The following ZNF385D variants were observed in gnomAD, a reference collection of about 807,000 sequenced individuals.
ZNF385D encodes zinc finger protein 659.
In ZNF385D, 15 loss-of-function variants were observed where a neutral mutation model predicts 35.8. The observed-to-expected ratio is 0.42, with a 90% CI of 0.28 to 0.64. The LOEUF is 0.64. Ranked by LOEUF, ZNF385D falls within the 30% of genes least tolerant of loss-of-function variation. The pLI is 0.23. For missense variants in ZNF385D, 474 were observed against 494.6 expected (o/e 0.96, Z 0.39); for synonymous variants, 212 against 186.8 (o/e 1.13, Z -1.10).
rs574926127 is a variant in ZNF385D at position 21,824,297 on chromosome 3, C to CT, written c.326-159270dup. Among the ~76,000 whole-genome samples, 834 of 152,224 alleles carry CT rather than the reference C, an allele frequency of 5.5e-3. 13 individuals are homozygous for CT. The highest frequency in any genetic ancestry group is 0.019 in the African/African-American group (789 of 41,554). On this transcript the variant is annotated intron_variant, in intron 3 of 5. Transcript: ENST00000494108. Reference sequence around the variant, plus strand: ...TGTTTGATAATTCTTTTTTAAAAGGCTATGTAGTAATGGTGCTTTTTATAA... The same window carrying CT: ...TGTTTGATAATTCTTTTTTAAAAGGCTTATGTAGTAATGGTGCTTTTTATAA...
rs181158345 is a variant in ZNF385D at position 21,440,225 on chromosome 3, T to A, written c.440-3022A>T. 9.9e-5 allele frequency among the ~76,000 whole-genome samples: 15 copies of A among 152,234 alleles called. No homozygotes were observed. In the East Asian group the frequency reaches 2.7e-3, roughly 27 times the overall value. On this transcript the variant is annotated intron_variant, in intron 4 of 7. Transcript: ENST00000281523. ...ATATGGTACATTAAATTACCAGTTA[T>A]AAATAATTATTGTCCACACATTAAA...
chr3:21,500,759 G>A (rs1410137925), intron 4 of ZNF385D, among the ~76,000 whole-genome samples: 1 of 152,206 alleles, frequency 6.6e-6, no homozygotes, highest in East Asian at 1.9e-4. Flanking sequence ...TTCTGATGCT[G>A]TGGTAGGAGT....
chr3:22,079,447 G>T (rs1383082), intron 3 of ZNF385D, among the ~76,000 whole-genome samples: 118,088 of 151,830 alleles, frequency 0.78, 46,780 homozygotes, highest in Non-Finnish European at 0.84. Context: ...ATTCTAAATG[G>T]AGGGGTTCAA....
chr3:21,438,072 A>C (rs1701661806), intron 4 of ZNF385D, among the ~76,000 whole-genome samples: 1 of 152,176 alleles, frequency 6.6e-6, no homozygotes, highest in Admixed American at 6.6e-5. Flanking sequence ...TGGAGAGATC[A>C]ATCTCCAAAG....
intron 2 of ZNF385D, among the ~76,000 whole-genome samples, chr3:21,577,424 G>A (rs1450195432): frequency 1.3e-5 from 2 of 152,132 alleles, no homozygotes; most frequent in Admixed American, 6.6e-5. Flanking sequence ...GGACACCCAA[G>A]TTAATTCCGT....
chr3:22,065,673 A>C (rs1699908690), intron 3 of ZNF385D, among the ~76,000 whole-genome samples: 1 of 152,094 alleles, frequency 6.6e-6, no homozygotes, highest in Admixed American at 6.6e-5. Context: ...ACAGGACCAT[A>C]ATCTAAAAGT....
At chr3:21,976,423 T>C (rs1019517629) in intron 3 of ZNF385D, among the ~76,000 whole-genome samples, 8 of 152,154 alleles carry the variant, frequency 5.3e-5, no homozygotes, top group African/African-American at 9.7e-5. Context: ...ATGGAGAATT[T>C]TGAATTGAAA....
chr3:22,258,662 C>T (rs1700443660), intron 2 of ZNF385D, among the ~76,000 whole-genome samples: 1 of 151,498 alleles, frequency 6.6e-6, no homozygotes. Context: ...GTAAAAATAG[C>T]CCAAGAGATT....
intron 2 of ZNF385D, among the ~76,000 whole-genome samples, chr3:22,306,018 G>A (rs1703190861): frequency 3.3e-5 from 5 of 152,246 alleles, no homozygotes; most frequent in Admixed American, 2.6e-4. Context: ...TCTCCTTGGA[G>A]GGCAAATGCT....
At chr3:22,272,416 C>T (rs1701224079) in intron 2 of ZNF385D, among the ~76,000 whole-genome samples, 2 of 151,868 alleles carry the variant, frequency 1.3e-5, no homozygotes, top group Non-Finnish European at 2.9e-5. Context: ...CCATCTAGGA[C>T]ATTACCCATA....
At chr3:21,754,149 A>C (rs2070233464), upstream of ZNF385D, among the ~76,000 whole-genome samples, 1 of 152,204 alleles carries the variant, frequency 6.6e-6, no homozygotes, top group African/African-American at 2.4e-5. Context: ...TAGTACACAC[A>C]TTTCTTCAAC....
intron 2 of ZNF385D, among the ~76,000 whole-genome samples, chr3:22,292,992 A>G (rs1190327755): frequency 6.6e-6 from 1 of 152,128 alleles, no homozygotes; most frequent in Admixed American, 6.6e-5. Flanking sequence ...ATGCAACTAC[A>G]TGATTTATTA....
chr3:21,608,023 G>GGTTTTTTT (rs2064542770), intron 2 of ZNF385D, among the ~76,000 whole-genome samples: 35 of 120,154 alleles, frequency 2.9e-4, no homozygotes, highest in Middle Eastern at 5.0e-3. Context: ...TTTTTTTTTT[G>GGTTTTTTT]TTTTTTTTTT....
chr3:22,330,179 AAGT>A (rs1241671973), intron 2 of ZNF385D, among the ~76,000 whole-genome samples: 1 of 152,132 alleles, frequency 6.6e-6, no homozygotes, highest in Non-Finnish European at 1.5e-5. Context: ...TTTTTACAAG[AAGT>A]ATTCTTATTT....
chr3:21,864,069 A>G (rs1304175582), intron 3 of ZNF385D, among the ~76,000 whole-genome samples: 1 of 152,164 alleles, frequency 6.6e-6, no homozygotes, highest in Non-Finnish European at 1.5e-5. Context: ...GATCCAGGTA[A>G]GGAGTGTGCC....
At chr3:21,548,203 A>G (rs558924780) in intron 3 of ZNF385D, among the ~76,000 whole-genome samples, 6 of 152,166 alleles carry the variant, frequency 3.9e-5, no homozygotes, top group Non-Finnish European at 8.8e-5. Flanking sequence ...TGATATGGAC[A>G]AGAACCCAGT....
chr3:21,990,272 T>C (rs1026895669), intron 3 of ZNF385D, among the ~76,000 whole-genome samples: 11 of 152,214 alleles, frequency 7.2e-5, no homozygotes, highest in African/African-American at 2.2e-4. Flanking sequence ...TGTAATACTT[T>C]CTTCTTCTCA....
chr3:22,305,628 T>A (rs914208383), intron 2 of ZNF385D, among the ~76,000 whole-genome samples: 1 of 152,140 alleles, frequency 6.6e-6, no homozygotes, highest in African/African-American at 2.4e-5. Context: ...TCTTAAGAAC[T>A]TGTGCCCAGA....
At chr3:21,700,780 TA>T (rs982667967) in intron 1 of ZNF385D, among the ~76,000 whole-genome samples, 1 of 152,234 alleles carries the variant, frequency 6.6e-6, no homozygotes, top group African/African-American at 2.4e-5. Flanking sequence ...TGATATGTAT[TA>T]ATGTTAATGT....
Sources: gnomAD v4.1 joint callset for allele counts (sites outside exome capture counted in the v4.1 genomes callset) on GRCh38, gnomAD v4.1.1 for gene constraint, MANE v1.5 for transcripts, NCBI Gene and HGNC (gene_info 2026-07-23, HGNC 2026-07-21) for gene names.